Variants in KCNMB2 observed in about 807,000 individuals in gnomAD.
The protein encoded by KCNMB2 is calcium-activated potassium channel subunit beta-2.
Under a neutral mutation model 24.5 loss-of-function variants are expected in KCNMB2, and 9 were observed. The ratio of observed to expected loss-of-function variants is 0.37; its 90% CI spans 0.22 to 0.64. The LOEUF is 0.64. Among genes scored for constraint, KCNMB2 ranks in the 30% least tolerant of loss-of-function variants. The pLI is 0.63. For missense variants in KCNMB2, 226 were observed against 284.3 expected (o/e 0.79, Z 1.47); for synonymous variants, 109 against 104.4 (o/e 1.04, Z -0.27).
intron 1 of KCNMB2, among the ~76,000 whole-genome samples, chr3:178,769,327 A>G (rs1712248680): frequency 2.6e-5 from 4 of 152,206 alleles, no homozygotes; most frequent in African/African-American, 7.2e-5. Flanking sequence ...TCTTATGGTT[A>G]GTGCCTACAT....
chr3:178,744,675 G>T (rs6443578), intron 1 of KCNMB2, among the ~76,000 whole-genome samples: 31,623 of 151,520 alleles, frequency 0.21, 4,479 homozygotes, highest in African/African-American at 0.4. Context: ...CTCCTGAAAC[G>T]GGAAACTTCC....
At chr3:178,563,883 T>G (rs1716413025) in intron 1 of KCNMB2, among the ~76,000 whole-genome samples, 2 of 152,190 alleles carry the variant, frequency 1.3e-5, no homozygotes, top group Admixed American at 1.3e-4. Context: ...CACTTTAATG[T>G]TGAATCATTC....
At position 178,715,630 on chromosome 3, in the gene KCNMB2, A is replaced by G. The variant is rs1188531824; in HGVS notation, c.-67-91713A>G. On this transcript the variant is annotated intron_variant, in intron 1 of 4. Transcript: ENST00000452583. ...TACTGTAAATCAAGCATATCTGGAAACCACACCATACTGCTGTCATGGGTT... is the reference window on the plus strand; with the variant it reads ...TACTGTAAATCAAGCATATCTGGAAGCCACACCATACTGCTGTCATGGGTT... 1.8e-4 allele frequency among the ~76,000 whole-genome samples: 27 copies of G among 151,754 alleles called. 1 individual carries two copies. The highest frequency in any genetic ancestry group is 4.4e-5 in the Non-Finnish European group (3 of 67,958).
chr3:178,841,359 C>T (rs963726737), intron 4 of KCNMB2, among the ~76,000 whole-genome samples: 1 of 152,186 alleles, frequency 6.6e-6, no homozygotes, highest in Non-Finnish European at 1.5e-5. Context: ...CTTCTGAGTG[C>T]TCCAAACTGT....
chr3:178,682,410 C>G (rs952287200), intron 1 of KCNMB2, among the ~76,000 whole-genome samples: 2 of 152,006 alleles, frequency 1.3e-5, no homozygotes, highest in Non-Finnish European at 2.9e-5. Context: ...ACATAATCCT[C>G]AAGTATAATG....
intron 1 of KCNMB2, among the ~76,000 whole-genome samples, chr3:178,804,181 T>G (rs567039437): frequency 6.6e-6 from 1 of 152,310 alleles, no homozygotes; most frequent in East Asian, 1.9e-4. Context: ...TATATCCCTA[T>G]CCTGATCACA....
At chr3:178,602,363 C>T (rs1398564363) in intron 1 of KCNMB2, among the ~76,000 whole-genome samples, 1 of 151,940 alleles carries the variant, frequency 6.6e-6, no homozygotes, top group Non-Finnish European at 1.5e-5. Flanking sequence ...CTGAATAATT[C>T]TGATTTAGTT....
intron 1 of KCNMB2, among the ~76,000 whole-genome samples, chr3:178,709,780 C>T (rs1377425471): frequency 6.6e-6 from 1 of 152,022 alleles, no homozygotes; most frequent in African/African-American, 2.4e-5. Context: ...TATTTGTTTC[C>T]CAGTCTTCCC....
intron 1 of KCNMB2, among the ~76,000 whole-genome samples, chr3:178,560,149 A>G (rs939175137): frequency 2.0e-5 from 3 of 150,986 alleles, no homozygotes; most frequent in African/African-American, 7.2e-5. Flanking sequence ...TTGGCAAGTA[A>G]TTAGTCAGTT....
intron 1 of KCNMB2, among the ~76,000 whole-genome samples, chr3:178,781,783 G>A (rs1275558587): frequency 2.7e-5 from 4 of 150,930 alleles, no homozygotes; most frequent in East Asian, 1.9e-4. Context: ...ACATGAAACC[G>A]CTTTTTTTTT....
intron 1 of KCNMB2, among the ~76,000 whole-genome samples, chr3:178,539,949 C>T (rs1006901836): frequency 5.3e-5 from 8 of 152,102 alleles, no homozygotes; most frequent in Admixed American, 4.6e-4. Context: ...CAGAAACTTC[C>T]CGTATACAGA....
intron 1 of KCNMB2, among the ~76,000 whole-genome samples, chr3:178,765,954 T>C (rs2108416304): frequency 6.6e-6 from 1 of 152,264 alleles, no homozygotes; most frequent in African/African-American, 2.4e-5. Context: ...GAGTCTACTT[T>C]CCTCTGTTCC....
At chr3:178,614,331 A>ATG (rs1405560815) in intron 1 of KCNMB2, among the ~76,000 whole-genome samples, 38 of 116,790 alleles carry the variant, frequency 3.3e-4, no homozygotes, top group African/African-American at 7.4e-4. Context: ...ATATATATGT[A>ATG]TGTATATATA....
chr3:178,798,983 T>TAAA (rs35483725), intron 1 of KCNMB2, among the ~76,000 whole-genome samples: 2 of 144,382 alleles, frequency 1.4e-5, no homozygotes, highest in African/African-American at 5.0e-5. Context: ...CTCTTGATGA[T>TAAA]AAAAAAAAAA....
At chr3:178,691,127 T>TTTTTTTTTTTTTAA (rs1721659605) in intron 1 of KCNMB2, among the ~76,000 whole-genome samples, 1 of 145,770 alleles carries the variant, frequency 6.9e-6, no homozygotes, top group Admixed American at 6.9e-5. Context: ...TTTTTTTTTT[T>TTTTTTTTTTTTTAA]GATAGAGACG....
chr3:178,548,919 C>T (rs1367146007), intron 1 of KCNMB2, among the ~76,000 whole-genome samples: 1 of 152,050 alleles, frequency 6.6e-6, no homozygotes, highest in Non-Finnish European at 1.5e-5. Context: ...TAGTGCATGT[C>T]CTTGGGCAAA....
intron 1 of KCNMB2, among the ~76,000 whole-genome samples, chr3:178,561,689 T>C (rs1229817284): frequency 6.6e-6 from 1 of 152,234 alleles, no homozygotes; most frequent in African/African-American, 2.4e-5. Flanking sequence ...TATCAGGAGA[T>C]TCAAAACATA....
At chr3:178,645,169 G>A (rs1719876045) in intron 1 of KCNMB2, among the ~76,000 whole-genome samples, 1 of 150,058 alleles carries the variant, frequency 6.7e-6, no homozygotes, top group Admixed American at 6.7e-5. Flanking sequence ...TCCTGCCTCA[G>A]CCTCCTGAGT....
In KCNMB2 at chr3:178,573,786, C is replaced by A. The variant is rs113472981; in HGVS notation, c.-68+37075C>A. Among the ~76,000 whole-genome samples, 1,047 of 146,548 alleles carry A rather than the reference C, an allele frequency of 7.1e-3. 9 individuals carry two copies. The highest frequency in any genetic ancestry group is 0.012 in the Non-Finnish European group (780 of 67,200). ...AAAAAAAAAGGCTTTTATTTAGCAGCAATGTTGTATGAGACATGGCACTAA... is the reference window on the plus strand; with the variant it reads ...AAAAAAAAAGGCTTTTATTTAGCAGAAATGTTGTATGAGACATGGCACTAA... On this transcript the variant is annotated intron_variant, in intron 1 of 4. Coordinates refer to ENST00000452583, the MANE Select transcript of KCNMB2 (RefSeq NM_181361.3).
Sources: allele counts gnomAD v4.1 joint callset (sites outside exome capture counted in the v4.1 genomes callset), GRCh38; gene constraint gnomAD v4.1.1; transcripts MANE v1.5; gene names NCBI Gene and HGNC (gene_info 2026-07-23, HGNC 2026-07-21).